The following F11R variants were observed in gnomAD, a reference collection of about 807,000 sequenced individuals.
F11R encodes junctional adhesion molecule A.
F11R carries 27 observed loss-of-function variants against 39.3 expected under a neutral mutation model. The ratio of observed to expected loss-of-function variants is 0.69; its 90% CI spans 0.51 to 0.95. The LOEUF (loss-of-function observed/expected upper bound fraction) is 0.95. Among genes scored for constraint, F11R ranks in the 40% least tolerant of loss-of-function variants. The pLI, the probability that F11R is intolerant of heterozygous loss-of-function variation, is 0.00. For missense variants in F11R, 335 were observed against 372.7 expected (o/e 0.90, Z 0.83); for synonymous variants, 131 against 144.9 (o/e 0.90, Z 0.69).
Position 160,998,798 on chromosome 1 carries a change from A to T in F11R, c.*73T>A. The T allele has an allele frequency of 6.9e-7, 1 of 1,457,062 alleles. No individual in the cohort carries two copies. Among genetic ancestry groups the T allele is most frequent in the Non-Finnish European group, 9.6e-7 (1 of 1,038,052 alleles). 90.3% of individuals were successfully genotyped at this position (1,457,062 alleles called of 1,614,324 possible). ...CAAATAAGGCATCCTGTGAAACTAC[A>T]GACATCAGGGGCCAGAGTCCGGTAG... On this transcript the variant is annotated 3_prime_UTR_variant, in exon 10 of 10. Coordinates refer to ENST00000368026, the MANE Select transcript of F11R (RefSeq NM_016946.6).
chr1:161,000,817 G>A, intron 3 of F11R, 40 bp from the exon 4 acceptor site: 1 of 1,612,796 alleles, frequency 6.2e-7, no homozygotes, highest in Non-Finnish European at 8.5e-7. Flanking sequence ...AGAGTGAACT[G>A]GAGAGCTAAG....
intron 1 of F11R, among the ~76,000 whole-genome samples, chr1:161,015,256 G>A (rs753468205): frequency 1.3e-5 from 2 of 149,568 alleles, no homozygotes; most frequent in East Asian, 2.0e-4. Flanking sequence ...AAAATCAGCC[G>A]GAGTGGTGGC....
intron 1 of F11R, among the ~76,000 whole-genome samples, chr1:161,018,438 A>G (rs776237551): frequency 5.9e-5 from 9 of 152,184 alleles, no homozygotes; most frequent in Non-Finnish European, 8.8e-5. Flanking sequence ...GCCATTTGGG[A>G]TCTCCCTGCT....
chr1:161,013,238 G>A (rs1649269475), intron 1 of F11R, among the ~76,000 whole-genome samples: 1 of 152,100 alleles, frequency 6.6e-6, no homozygotes, highest in African/African-American at 2.4e-5. Flanking sequence ...TTCCCTCTGG[G>A]CATATGAGAC....
Position 160,995,290 on chromosome 1 carries a change from G to C in F11R, c.*3581C>G, listed in dbSNP as rs1364725696. On this transcript the variant is annotated 3_prime_UTR_variant, in exon 10 of 10. Transcript: ENST00000368026. ...TTATTAAGCTGTCCTCAGGCCCCAA[G>C]AAACATACTGTCCCCTCATTTAGAA... 2 of 152,142 alleles carry C rather than the reference G, an allele frequency of 1.3e-5. No homozygotes were observed. The highest frequency in any genetic ancestry group is 4.8e-5 in the African/African-American group (2 of 41,376). The allele number at this position is 152,142 out of a possible 1,614,324, so 9.4% of individuals were successfully genotyped here. A position where few individuals can be genotyped will look rare whatever the true frequency, so the allele number is the denominator to read the frequency against.
intron 1 of F11R, among the ~76,000 whole-genome samples, chr1:161,006,858 T>C (rs1225725095): frequency 6.6e-6 from 1 of 152,208 alleles, no homozygotes; most frequent in Non-Finnish European, 1.5e-5. Flanking sequence ...GGAACCAGAC[T>C]GCCTGCGTTC....
intron 1 of F11R, chr1:161,002,543 A>C (rs1198255894): frequency 6.6e-6 from 1 of 152,136 alleles, no homozygotes; most frequent in East Asian, 1.9e-4. Context: ...CACTTACACA[A>C]TTATTCTCAT....
chr1:161,013,371 GCA>G (rs1047370297), intron 1 of F11R, among the ~76,000 whole-genome samples: 3 of 152,164 alleles, frequency 2.0e-5, no homozygotes, highest in Non-Finnish European at 2.9e-5. Flanking sequence ...CTAATCTCTA[GCA>G]CAGTGCTCAG....
At chr1:161,018,342 T>C (rs1649575537) in intron 1 of F11R, among the ~76,000 whole-genome samples, 2 of 152,150 alleles carry the variant, frequency 1.3e-5, no homozygotes, top group African/African-American at 2.4e-5. Context: ...AGGGAGAACA[T>C]ATGGGCAACC....
Position 160,999,913 on chromosome 1 carries a change from C to T in F11R, c.657G>A (p.Gly219=), listed in dbSNP as rs149862476. The T allele has an allele frequency of 1.2e-3, 1,919 of 1,614,174 alleles. 24 individuals are homozygous for T. In the African/African-American group the frequency reaches 0.023, roughly 19 times the overall value. The part of the protein sequence containing the change: ...EYSCEARNGY[G]TPMTSNAVRM... Reference sequence around the variant, plus strand: ...GCACAGCATTTGAAGTCATGGGTGTCCCATACCCATTCCGTGCCTCACAGC... The same window carrying T: ...GCACAGCATTTGAAGTCATGGGTGTTCCATACCCATTCCGTGCCTCACAGC... Residue 219 remains glycine, a synonymous_variant, in exon 6 of 10, where the codon GGG becomes GGA. Coordinates refer to ENST00000368026, the MANE Select transcript of F11R (RefSeq NM_016946.6).
intron 3 of F11R, 64 bp downstream of exon 3, chr1:161,000,956 T>C: frequency 6.5e-7 from 1 of 1,531,620 alleles, no homozygotes; most frequent in Non-Finnish European, 9.0e-7. Flanking sequence ...GTCTGGATCG[T>C]AGAATCCAGG....
chr1:161,011,812 T>G (rs1000799328), intron 1 of F11R, among the ~76,000 whole-genome samples: 2 of 152,112 alleles, frequency 1.3e-5, no homozygotes, highest in African/African-American at 2.4e-5. Flanking sequence ...GAAACACCAG[T>G]AATAAGTGTT....
At chr1:161,005,624 C>T (rs1206139544) in intron 1 of F11R, among the ~76,000 whole-genome samples, 11 of 151,934 alleles carry the variant, frequency 7.2e-5, no homozygotes, top group African/African-American at 2.4e-4. Flanking sequence ...CCACCCGCTT[C>T]GGCCTCCCAA....
intron 1 of F11R, among the ~76,000 whole-genome samples, chr1:161,006,000 T>C (rs966744542): frequency 2.0e-5 from 3 of 152,140 alleles, no homozygotes; most frequent in Middle Eastern, 3.4e-3. Context: ...TAGCCGGGCA[T>C]GGTGGCGGGC....
rs1648123079 is a variant in F11R at position 160,996,389 on chromosome 1, A to G, written c.*2482T>C. On this transcript the variant is annotated 3_prime_UTR_variant, in exon 10 of 10. Transcript: ENST00000368026. ...TTCACCTCAAATTCACAGAGCCATG[A>G]ATCACCTCTGCTTCCCCATGACCTT... is the stretch of plus-strand genomic sequence containing the variant. The G allele has an allele frequency of 6.6e-6, 1 of 152,318 alleles. No individual in the cohort carries two copies. Among genetic ancestry groups the G allele is most frequent in the Non-Finnish European group, 1.5e-5 (1 of 68,036 alleles). The allele number at this position is 152,318 out of a possible 1,614,324, so 9.4% of individuals were successfully genotyped here. A position where few individuals can be genotyped will look rare whatever the true frequency, so the allele number is the denominator to read the frequency against.
At chr1:161,008,039 A>G (rs1648925014) in intron 1 of F11R, among the ~76,000 whole-genome samples, 2 of 152,200 alleles carry the variant, frequency 1.3e-5, no homozygotes, top group African/African-American at 4.8e-5. Flanking sequence ...GTACACACAC[A>G]TGCAAATGTC....
intron 1 of F11R, among the ~76,000 whole-genome samples, chr1:161,001,770 G>A (rs770295390): frequency 8.5e-5 from 13 of 152,236 alleles, no homozygotes; most frequent in African/African-American, 1.7e-4. Flanking sequence ...AGGGATGGAA[G>A]GGAAGGGCAG....
rs1172559389 is a variant in F11R at position 160,997,384 on chromosome 1, C to T, written c.*1487G>A. The stretch of plus-strand genomic sequence containing the variant: ...AGGTCTGTTAATGCACCTGGCTGAA[C>T]AGGAGGTACAAGAGTAAGTACCTTC... On this transcript the variant is annotated 3_prime_UTR_variant, in exon 10 of 10. Transcript: ENST00000368026. 1 of 152,370 alleles carries T rather than the reference C, an allele frequency of 6.6e-6. No homozygotes were observed. The highest frequency in any genetic ancestry group is 1.5e-5 in the Non-Finnish European group (1 of 68,062). 9.4% of individuals were successfully genotyped at this position (152,370 alleles called of 1,614,324 possible). A position where few individuals can be genotyped will look rare whatever the true frequency, so the allele number is the denominator to read the frequency against.
At position 161,000,628 on chromosome 1, in the gene F11R, T is replaced by C; in HGVS notation, c.388+3A>G. On this transcript the variant is annotated splice_donor_region_variant and intron_variant, in intron 4 of 9. Coordinates refer to ENST00000368026, the MANE Select transcript of F11R (RefSeq NM_016946.6). ...GCCCACCCAGAAGACATGGGGCACG[T>C]ACCAAGCACGATGAGCTTGACCTTG... 6.2e-7 allele frequency: 1 copy of C among 1,614,142 alleles called. No homozygotes were observed. Among genetic ancestry groups the C allele is most frequent in the South Asian group, 1.1e-5 (1 of 91,074 alleles).
Sources: gnomAD v4.1 joint callset for allele counts (sites outside exome capture counted in the v4.1 genomes callset) on GRCh38, gnomAD v4.1.1 for gene constraint, MANE v1.5 for transcripts, NCBI Gene and HGNC (gene_info 2026-07-23, HGNC 2026-07-21) for gene names.